The following FNIP1 variants were observed in gnomAD, a reference collection of about 807,000 sequenced individuals.
The protein encoded by FNIP1 is folliculin interacting protein 1, also known as folliculin-interacting protein 1.
FNIP1 carries 40 observed loss-of-function variants against 124.5 expected under a neutral mutation model. That is an observed-to-expected ratio of 0.32 (90% confidence interval 0.25 to 0.42). The LOEUF (loss-of-function observed/expected upper bound fraction) is 0.42. Ranked by LOEUF, FNIP1 falls within the 10% of genes least tolerant of loss-of-function variation. The pLI, the probability that FNIP1 is intolerant of heterozygous loss-of-function variation, is 1.00. For synonymous variants in FNIP1, 472 were observed against 470.6 expected (o/e 1.00, Z -0.04); for missense variants, 1,176 against 1,403.7 (o/e 0.84, Z 2.59).
intron 7 of FNIP1, among the ~76,000 whole-genome samples, chr5:131,710,252 C>T (rs1315324392): frequency 6.6e-6 from 1 of 152,116 alleles, no homozygotes; most frequent in Non-Finnish European, 1.5e-5. Context: ...GACAGTGTCA[C>T]ATTAAAAATT....
chr5:131,749,319 G>GT (rs1426390027), intron 1 of FNIP1, among the ~76,000 whole-genome samples: 2 of 151,430 alleles, frequency 1.3e-5, no homozygotes, highest in Non-Finnish European at 2.9e-5. Context: ...GACTCACCCA[G>GT]TAACTTCCAG....
chr5:131,679,146 G>T lies in FNIP1; in HGVS notation c.1232C>A (p.Pro411Gln). The part of the protein sequence containing the change: ...RTTICNLYTM[P>Q]RIGEPVWLTM... ...AAGCCAGACAGGTTCTCCAATTCGT[G>T]GCATCGTGTAAAGATTACAAATTGT... The change falls in exon 12 of 18, where the codon CCA (proline) becomes CAA (glutamine). Residue 411 changes from proline (P) to glutamine (Q), a missense_variant. Pro to Gln is a moderately conservative substitution (Grantham distance 76, BLOSUM62 -1). Around this residue, in one of 2 missense-constraint regions of FNIP1, gnomAD observed 1,109 missense variants for 1,288.5 expected, o/e 0.86. Transcript: ENST00000510461. 6.3e-7 allele frequency: 1 copy of T among 1,596,252 alleles called. No individual in the cohort carries two copies. The highest frequency in any genetic ancestry group is 8.6e-7 in the Non-Finnish European group (1 of 1,164,712).
At chr5:131,720,807 G>A (rs558460985) in intron 3 of FNIP1, among the ~76,000 whole-genome samples, 1 of 152,266 alleles carries the variant, frequency 6.6e-6, no homozygotes, top group African/African-American at 2.4e-5. Flanking sequence ...CTGTCAGGTT[G>A]GCTATAATCA....
intron 11 of FNIP1, among the ~76,000 whole-genome samples, chr5:131,687,943 A>T (rs1768335511): frequency 6.6e-6 from 1 of 152,180 alleles, no homozygotes; most frequent in African/African-American, 2.4e-5. Flanking sequence ...ATTCTCCAAA[A>T]CAAAGGTCTG....
At chr5:131,777,236 A>C (rs1771841050) in intron 1 of FNIP1, among the ~76,000 whole-genome samples, 1 of 152,102 alleles carries the variant, frequency 6.6e-6, no homozygotes, top group Admixed American at 6.5e-5. Context: ...ACAAAATTTA[A>C]TTTGAATTGG....
At chr5:131,720,424 T>C (rs1211020925) in intron 3 of FNIP1, among the ~76,000 whole-genome samples, 1 of 152,182 alleles carries the variant, frequency 6.6e-6, no homozygotes, top group Non-Finnish European at 1.5e-5. Context: ...CTTGATGACA[T>C]TGGTCTTAGC....
At chr5:131,752,045 G>C (rs1770888933) in intron 1 of FNIP1, among the ~76,000 whole-genome samples, 1 of 152,112 alleles carries the variant, frequency 6.6e-6, no homozygotes, top group African/African-American at 2.4e-5. Context: ...TTGTGAGTTT[G>C]TATTCTTTTT....
intron 11 of FNIP1, among the ~76,000 whole-genome samples, chr5:131,693,752 T>C (rs1257760605): frequency 6.6e-6 from 1 of 152,056 alleles, no homozygotes; most frequent in African/African-American, 2.4e-5. Context: ...TTAAAAACTC[T>C]GCTCTGTGAA....
chr5:131,709,322 T>C (rs1425907699), intron 7 of FNIP1, 50 bp from the exon 8 acceptor site: 1 of 1,455,592 alleles, frequency 6.9e-7, no homozygotes, highest in Non-Finnish European at 9.6e-7. Context: ...GCTATTCAGG[T>C]GGATGAACAG....
intron 9 of FNIP1, 89 bp downstream of exon 9, chr5:131,706,322 A>C: frequency 7.5e-7 from 1 of 1,335,352 alleles, no homozygotes; most frequent in Non-Finnish European, 1.0e-6. Flanking sequence ...TAAAATACAC[A>C]GAATACAAGT....
intron 3 of FNIP1, among the ~76,000 whole-genome samples, chr5:131,721,925 T>C (rs537652164): frequency 6.6e-6 from 1 of 152,370 alleles, no homozygotes; most frequent in South Asian, 2.1e-4. Flanking sequence ...ACTATTTAGA[T>C]ATCATGGCAA....
intron 4 of FNIP1, 61 bp from the exon 5 acceptor site, chr5:131,719,121 T>C (rs754561668): frequency 5.4e-5 from 81 of 1,493,644 alleles, no homozygotes; most frequent in Non-Finnish European, 7.2e-5. Flanking sequence ...TTTGGATTTA[T>C]TATAAATAAA....
At chr5:131,773,477 C>CT (rs1370442590) in intron 1 of FNIP1, among the ~76,000 whole-genome samples, 1 of 152,130 alleles carries the variant, frequency 6.6e-6, no homozygotes, top group Non-Finnish European at 1.5e-5. Flanking sequence ...CCACCAATCT[C>CT]TAACTACCAT....
rs527947656 is a variant in FNIP1 at position 131,643,723 on chromosome 5, C to T, written c.*962G>A. The stretch of plus-strand genomic sequence containing the variant: ...TAAGCAGTGAAACAAATATTCAGCT[C>T]CTATGGGTTCATGAGGGTTGATACC... On this transcript the variant is annotated 3_prime_UTR_variant, in exon 18 of 18. Transcript: ENST00000510461. 6.5e-6 allele frequency: 1 copy of T among 152,694 alleles called. No individual in the cohort carries two copies. The highest frequency in any genetic ancestry group is 1.9e-4 in the East Asian group (1 of 5,274). 9.5% of individuals were successfully genotyped at this position (152,694 alleles called of 1,614,324 possible).
intron 3 of FNIP1, among the ~76,000 whole-genome samples, chr5:131,729,523 T>C (rs774329754): frequency 3.3e-5 from 5 of 152,244 alleles, no homozygotes; most frequent in Non-Finnish European, 7.3e-5. Context: ...TGCGCTGATC[T>C]CACTGGGAGC....
intron 1 of FNIP1, among the ~76,000 whole-genome samples, chr5:131,784,987 A>ATATATATATGATATATATGAC (rs1405367257): frequency 7.2e-6 from 1 of 139,666 alleles, no homozygotes; most frequent in African/African-American, 2.6e-5. Flanking sequence ...TATATATATC[A>ATATATATATGATATATATGAC]TATATATATG....
At position 131,657,758 on chromosome 5, in the gene FNIP1, A is replaced by AAAAAAAAAAC. The variant is rs1767248419; in HGVS notation, c.3109-5760_3109-5759insGTTTTTTTTT. Among the ~76,000 whole-genome samples, 11 of 148,514 alleles carry AAAAAAAAAAC rather than the reference A, an allele frequency of 7.4e-5. No homozygotes were observed. The South Asian group carries it at 8.5e-4, about 11-fold the overall frequency. On this transcript the variant is annotated intron_variant, in intron 15 of 17. Transcript: ENST00000510461. ...AGGCAAAAAAAAAAAAAAAAAAAAAACGGTGGGTGAAGGCTTTCAAGATAC... is the reference window on the plus strand; with the variant it reads ...AGGCAAAAAAAAAAAAAAAAAAAAAAAAAAAAAAACCGGTGGGTGAAGGCTTTCAAGATAC...
intron 12 of FNIP1, among the ~76,000 whole-genome samples, 159 bp from the exon 13 acceptor site, chr5:131,678,031 G>T (rs997267444): frequency 6.6e-6 from 1 of 152,130 alleles, no homozygotes; most frequent in Non-Finnish European, 1.5e-5. Context: ...ATAACACCAA[G>T]ATTAAAATGA....
intron 1 of FNIP1, among the ~76,000 whole-genome samples, chr5:131,758,018 AT>A: frequency 6.6e-6 from 1 of 152,312 alleles, no homozygotes. Flanking sequence ...TAAAGTTCTG[AT>A]TCCCTTTACC....
Sources: gnomAD v4.1 joint callset for allele counts (sites outside exome capture counted in the v4.1 genomes callset) on GRCh38, gnomAD v4.1.1 for gene constraint, gnomAD v4.1.1 regional missense constraint, MANE v1.5 for transcripts, NCBI Gene and HGNC (gene_info 2026-07-23, HGNC 2026-07-21) for gene names.